The following PCDHA6 variants were observed in gnomAD, a reference collection of about 807,000 sequenced individuals.
PCDHA6 encodes the protein protocadherin alpha-6.
In PCDHA6, 55 loss-of-function variants were observed where a neutral mutation model predicts 60.3. That is an observed-to-expected ratio of 0.91 (90% CI 0.73 to 1.14). The LOEUF (loss-of-function observed/expected upper bound fraction) is 1.14, where lower values mean the gene tolerates loss of function less well. PCDHA6 is among the 50% of genes most tolerant of loss of function. The pLI is 0.00. For missense variants in PCDHA6, 1,327 were observed against 1,256.5 expected (o/e 1.06, Z -0.85); for synonymous variants, 652 against 557.9 (o/e 1.17, Z -2.38).
At chr5:140,836,159 GA>G in intron 1 of PCDHA6, 1 of 1,613,838 alleles carries the variant, frequency 6.2e-7, no homozygotes, top group Non-Finnish European at 8.5e-7. Context: ...ATGTGGTGGC[GA>G]AGGTACGTGC....
chr5:140,829,247 A>T lies in PCDHA6; in HGVS notation c.1156A>T (p.Asn386Tyr). The change falls in exon 1 of 4, where the codon AAC (asparagine) becomes TAC (tyrosine). Residue 386 changes from asparagine to tyrosine, a missense_variant. Asn to Tyr is a moderately radical substitution (Grantham distance 143, BLOSUM62 -2). Transcript: ENST00000529310. ...DLDSGANGQV[N>Y]CSLTPHVPFK... The stretch of plus-strand genomic sequence containing the variant: ...CGATTCAGGTGCCAACGGGCAGGTG[A>T]ACTGCTCGCTGACGCCTCACGTCCC... The T allele has an allele frequency of 1.2e-6, 2 of 1,614,250 alleles. No individual in the cohort carries two copies. The highest frequency in any genetic ancestry group is 1.7e-6 in the Non-Finnish European group (2 of 1,180,040).
chr5:140,831,050 T>A (rs1228515623), intron 1 of PCDHA6: 2 of 152,266 alleles, frequency 1.3e-5, no homozygotes, highest in Non-Finnish European at 2.9e-5. Context: ...TAGTGTTCAT[T>A]TATTGTCCCC....
intron 1 of PCDHA6, chr5:140,835,865 G>C: frequency 1.2e-6 from 2 of 1,612,146 alleles, no homozygotes; most frequent in Non-Finnish European, 8.5e-7. Flanking sequence ...CCTACTCGCT[G>C]GTGGAGCTGC....
intron 1 of PCDHA6, chr5:140,853,539 T>A: frequency 1.0e-6 from 1 of 979,080 alleles, no homozygotes; most frequent in South Asian, 4.8e-5. Context: ...TCTTTTCAAG[T>A]TGTAATTACT....
At chr5:140,928,099 C>T in intron 1 of PCDHA6, 5 of 1,614,204 alleles carry the variant, frequency 3.1e-6, no homozygotes, top group Non-Finnish European at 4.2e-6. Context: ...TGATGGGCCC[C>T]TGGACCGGGA....
intron 1 of PCDHA6, chr5:140,871,163 GC>G: frequency 6.2e-7 from 1 of 1,613,476 alleles, no homozygotes; most frequent in Non-Finnish European, 8.5e-7. Context: ...GGCGCCGCGA[GC>G]CCAGAGGCTG....
Position 140,853,937 on chromosome 5 carries a change from G to T in PCDHA6, c.2394+23452G>T, listed in dbSNP as rs367556947. The T allele has an allele frequency of 1.7e-4, 142 of 835,446 alleles. 8 individuals carry two copies. The highest frequency in any genetic ancestry group is 1.9e-4 in the Non-Finnish European group (128 of 679,266). 51.8% of individuals were successfully genotyped at this position (835,446 alleles called of 1,614,324 possible). A position where few individuals can be genotyped will look rare whatever the true frequency, so the allele number is the denominator to read the frequency against. On this transcript the variant is annotated intron_variant, in intron 1 of 3. Coordinates refer to ENST00000529310, the MANE Select transcript of PCDHA6 (RefSeq NM_018909.4). ...CAATCCCAACATTTTGGGAGGCCAA[G>T]GTGGGAGGGTCCCTTCCTTGAGCCC...
chr5:140,865,419 T>A (rs1327080302), intron 1 of PCDHA6: 2 of 152,314 alleles, frequency 1.3e-5, no homozygotes, highest in African/African-American at 4.8e-5. Flanking sequence ...ATTAGTAGTG[T>A]CTACCTAGAA....
At chr5:140,857,771 G>C in intron 1 of PCDHA6, 3 of 1,597,658 alleles carry the variant, frequency 1.9e-6, no homozygotes, top group Non-Finnish European at 2.6e-6. Flanking sequence ...CGCGGGCGGT[G>C]CAGTCAGTGA....
intron 1 of PCDHA6, among the ~76,000 whole-genome samples, chr5:140,887,705 T>G (rs1016402630): frequency 6.6e-6 from 1 of 152,172 alleles, no homozygotes; most frequent in Non-Finnish European, 1.5e-5. Context: ...TCAACCATAC[T>G]TCTTCTAATA....
At chr5:140,969,109 T>C (rs782731369) in intron 1 of PCDHA6, 10 of 1,614,126 alleles carry the variant, frequency 6.2e-6, no homozygotes, top group Non-Finnish European at 8.5e-6. Flanking sequence ...TCATTGAAGT[T>C]CGAGGGAATG....
chr5:140,842,128 G>C, intron 1 of PCDHA6: 1 of 1,613,840 alleles, frequency 6.2e-7, no homozygotes, highest in Non-Finnish European at 8.5e-7. Flanking sequence ...CTTCTGATCC[G>C]GATGAAGGAG....
intron 1 of PCDHA6, chr5:140,836,166 C>A (rs373780071): frequency 1.9e-6 from 3 of 1,613,826 alleles, no homozygotes; most frequent in South Asian, 1.1e-5. Flanking sequence ...GGCGAAGGTA[C>A]GTGCAGTTGA....
Position 140,842,339 on chromosome 5 carries a change from A to G in PCDHA6, c.2394+11854A>G, listed in dbSNP as rs2150334391. 9 of 1,607,816 alleles carry G rather than the reference A, an allele frequency of 5.6e-6. No individual in the cohort carries two copies. The South Asian group carries it at 9.9e-5, about 18-fold the overall frequency. Reference sequence around the variant, plus strand: ...GGGTCATTGCACCGTTTTAGTGAGAATTTTGGATAAAAATGATAACGTCCC... The same window carrying G: ...GGGTCATTGCACCGTTTTAGTGAGAGTTTTGGATAAAAATGATAACGTCCC... On this transcript the variant is annotated intron_variant, in intron 1 of 3. Coordinates refer to ENST00000529310, the MANE Select transcript of PCDHA6 (RefSeq NM_018909.4).
intron 1 of PCDHA6, chr5:140,861,171 A>G (rs2046785081): frequency 6.3e-6 from 1 of 158,188 alleles, no homozygotes; most frequent in Non-Finnish European, 1.4e-5. Flanking sequence ...TCTCAGAGGA[A>G]CTAAGTCTTT....
rs1770571221 is a variant in PCDHA6 at position 140,829,790 on chromosome 5, G to C, written c.1699G>C (p.Ala567Pro). The change falls in exon 1 of 4, where the codon GCG (alanine) becomes CCG (proline). Residue 567 changes from alanine (A) to proline (P), a missense_variant. Ala to Pro is a conservative substitution (Grantham distance 27). Transcript: ENST00000529310. ...DENDNAPALLAPRVGGTGGAV... is the reference protein window; with the variant it reads ...DENDNAPALLPPRVGGTGGAV... ...GAACGACAACGCGCCGGCGCTGCTG[G>C]CGCCTCGGGTGGGTGGTACTGGTGG... 4 of 1,613,718 alleles carry C rather than the reference G, an allele frequency of 2.5e-6. No individual in the cohort carries two copies. In the East Asian group the frequency reaches 8.9e-5, roughly 36 times the overall value.
chr5:140,896,453 C>T (rs782013950), intron 1 of PCDHA6, among the ~76,000 whole-genome samples: 3 of 152,106 alleles, frequency 2.0e-5, no homozygotes, highest in Non-Finnish European at 2.9e-5. Context: ...ACCTCCACCT[C>T]CTGGGTTCAA....
At chr5:140,908,049 G>A (rs563362239) in intron 1 of PCDHA6, among the ~76,000 whole-genome samples, 19 of 152,210 alleles carry the variant, frequency 1.2e-4, no homozygotes, top group Admixed American at 1.0e-3. Flanking sequence ...TTGCACATCC[G>A]GCCATTTCTC....
intron 1 of PCDHA6, among the ~76,000 whole-genome samples, chr5:140,898,226 G>T (rs2066602879): frequency 6.6e-6 from 1 of 152,262 alleles, no homozygotes; most frequent in African/African-American, 2.4e-5. Flanking sequence ...GGCTTTTGTT[G>T]CCATTGCTTT....
Sources: gnomAD v4.1 joint callset for allele counts (sites outside exome capture counted in the v4.1 genomes callset) on GRCh38, gnomAD v4.1.1 for gene constraint, MANE v1.5 for transcripts, NCBI Gene and HGNC (gene_info 2026-07-23, HGNC 2026-07-21) for gene names.